Variants in L1TD1 observed in about 807,000 individuals in gnomAD.
L1TD1 encodes the protein LINE1 type transposase domain containing 1, also known as LINE-1 type transposase domain-containing protein 1.
Under a neutral mutation model 25.7 loss-of-function variants are expected in L1TD1, and 26 were observed. The ratio of observed to expected loss-of-function variants is 1.01; its 90% CI spans 0.74 to 1.40. The LOEUF is 1.40. Ranked by LOEUF, L1TD1 falls within the 40% of genes most tolerant of loss-of-function variation. L1TD1 has a pLI of 0.00. For missense variants in L1TD1, 1,130 were observed against 975.0 expected, an observed-to-expected ratio of 1.16 and a Z score of -2.12; for synonymous variants, 421 against 335.6, an observed-to-expected ratio of 1.25 and a Z score of -2.78.
Position 62,210,758 on chromosome 1 carries a change from A to G in L1TD1, c.1984A>G (p.Arg662Gly). 1.3e-6 allele frequency: 2 copies of G among 1,551,510 alleles called. No individual in the cohort carries two copies. The highest frequency in any genetic ancestry group is 1.7e-6 in the Non-Finnish European group (2 of 1,146,950). ...TAGCAGAATGGACATACTTGAAGAA[A>G]GAATAGACAGTCTAGAAGATCAAAT... ...LSSRMDILEE[R>G]IDSLEDQIEE... The change falls in exon 4 of 4, where the codon AGA (arginine) becomes GGA (glycine). Residue 662 changes from arginine (R) to glycine (G), a missense_variant. Coordinates refer to ENST00000498273, the MANE Select transcript of L1TD1 (RefSeq NM_019079.5).
At chr1:62,203,023 C>T (rs1443401528) in intron 2 of L1TD1, among the ~76,000 whole-genome samples, 1 of 152,022 alleles carries the variant, frequency 6.6e-6, no homozygotes, top group Non-Finnish European at 1.5e-5. Context: ...GGTCTCACTG[C>T]ATTGCTGAGG....
rs1242612493 is a variant in L1TD1, at chr1:62,207,212, C to T, written c.584C>T (p.Thr195Ile). The T allele has an allele frequency of 6.4e-7, 1 of 1,551,250 alleles. No homozygotes were observed. Among genetic ancestry groups the T allele is most frequent in the African/African-American group, 1.4e-5 (1 of 72,880 alleles). Residue 195 changes from threonine (T) to isoleucine (I), a missense_variant, in exon 3 of 4, where the codon ACA (threonine) becomes ATA (isoleucine). By Grantham distance (89) the Thr-to-Ile change is moderately conservative. Coordinates refer to ENST00000498273, the MANE Select transcript of L1TD1 (RefSeq NM_019079.5). ...AATCGCAATGTCCATTTAGAATTTA[C>T]AGAAAGAGAGAGTAGGAAGGATGGA... ...DGNRNVHLEF[T>I]ERESRKDGED...
At chr1:62,200,614 AT>A (rs1670623528) in intron 2 of L1TD1, among the ~76,000 whole-genome samples, 1 of 152,006 alleles carries the variant, frequency 6.6e-6, no homozygotes, top group Admixed American at 6.6e-5. Flanking sequence ...GTTTTCTAGT[AT>A]TTTTTGGCCA....
intron 2 of L1TD1, among the ~76,000 whole-genome samples, chr1:62,197,391 A>G (rs1288174762): frequency 7.5e-6 from 1 of 132,522 alleles, no homozygotes; most frequent in East Asian, 2.2e-4. Context: ...TCTCAAAAAA[A>G]ATAAATTATA....
intron 2 of L1TD1, among the ~76,000 whole-genome samples, chr1:62,204,208 A>AT (rs1557442743): frequency 6.6e-6 from 1 of 151,966 alleles, no homozygotes; most frequent in Non-Finnish European, 1.5e-5. Context: ...AATTCTCTAT[A>AT]AGTTTCTGTT....
rs1670884099 is a variant in L1TD1, at chr1:62,211,932, T to G, written c.*560T>G. 6.6e-6 allele frequency: 1 copy of G among 152,522 alleles called. No individual in the cohort carries two copies. The highest frequency in any genetic ancestry group is 2.4e-5 in the African/African-American group (1 of 41,418). 9.4% of individuals were successfully genotyped at this position (152,522 alleles called of 1,614,324 possible). ...GTGAGCCGAGATCACACCACTGCAC[T>G]CCAGCCGGAGCCACAGAGCGACACT... On this transcript the variant is annotated 3_prime_UTR_variant, in exon 4 of 4. Coordinates refer to ENST00000498273, the MANE Select transcript of L1TD1 (RefSeq NM_019079.5).
chr1:62,209,752 CTCTT>C (rs1408689180), intron 3 of L1TD1, 27 bp from the exon 4 acceptor site: 6 of 1,403,912 alleles, frequency 4.3e-6, no homozygotes, highest in Non-Finnish European at 5.8e-6. Flanking sequence ...AAACAAATAA[CTCTT>C]TTTTTTCTTC....
rs557720790 is a variant in L1TD1, at chr1:62,201,414, A to T, written c.-111+4886A>T. Among the ~76,000 whole-genome samples the T allele has an allele frequency of 3.3e-4, 50 of 150,556 alleles. No homozygotes were observed. The Middle Eastern group carries it at 0.01, about 31-fold the overall frequency. ...GGTTTTCCTTAAGGATTTTCAGTTTAAAAAAAAATATTAGAAGCATTATCA... is the reference window on the plus strand; with the variant it reads ...GGTTTTCCTTAAGGATTTTCAGTTTTAAAAAAAATATTAGAAGCATTATCA... On this transcript the variant is annotated intron_variant, in intron 2 of 3. Transcript: ENST00000498273.
chr1:62,197,207 GA>G (rs1480431847), intron 2 of L1TD1, among the ~76,000 whole-genome samples: 3 of 151,342 alleles, frequency 2.0e-5, no homozygotes, highest in Non-Finnish European at 4.4e-5. Flanking sequence ...CCAACATGGC[GA>G]AACCCCATCT....
intron 2 of L1TD1, among the ~76,000 whole-genome samples, chr1:62,198,519 CCCCGCCGCCG>C (rs1168766236): frequency 6.6e-6 from 1 of 151,522 alleles, no homozygotes; most frequent in Non-Finnish European, 1.5e-5. Context: ...CACACCGACC[CCCCGCCGCCG>C]CCCCACCCCG....
At chr1:62,201,430 A>G (rs946616671) in intron 2 of L1TD1, among the ~76,000 whole-genome samples, 2 of 151,202 alleles carry the variant, frequency 1.3e-5, no homozygotes, top group Non-Finnish European at 1.5e-5. Flanking sequence ...AAATATTAGA[A>G]GCATTATCAG....
intron 2 of L1TD1, among the ~76,000 whole-genome samples, chr1:62,205,406 TC>T (rs1670720654): frequency 2.2e-5 from 1 of 46,218 alleles, no homozygotes; most frequent in South Asian, 8.2e-4. Context: ...TCTCTCTCTC[TC>T]TCTCTCTCTC....
chr1:62,195,942 CAGG>C (rs1670528310), intron 1 of L1TD1, among the ~76,000 whole-genome samples: 1 of 151,814 alleles, frequency 6.6e-6, no homozygotes, highest in African/African-American at 2.4e-5. Context: ...GAGGCCGAGG[CAGG>C]AGAATCGCTT....
rs1261055805 is a variant in L1TD1, at chr1:62,205,443, A to ATTTTTTT, written c.-110-1073_-110-1067dup. Among the ~76,000 whole-genome samples, 5 of 63,664 alleles carry ATTTTTTT rather than the reference A, an allele frequency of 7.9e-5. No individual in the cohort carries two copies. In the East Asian group the frequency reaches 1.6e-3, roughly 21 times the overall value. The allele number at this position is 63,664 out of a possible 152,430, so 41.8% of individuals were successfully genotyped here. A position where few individuals can be genotyped will look rare whatever the true frequency, so the allele number is the denominator to read the frequency against. On this transcript the variant is annotated intron_variant, in intron 2 of 3. Transcript: ENST00000498273. The stretch of plus-strand genomic sequence containing the variant: ...TATATATATATATATATATATATAT[A>ATTTTTTT]TTTTTTTTTAGACAGTCTTGCTGTG...
chr1:62,211,640 C>A lies in L1TD1; in HGVS notation c.*268C>A. 1 of 332,162 alleles carries A rather than the reference C, an allele frequency of 3.0e-6. No individual in the cohort carries two copies. The highest frequency in any genetic ancestry group is 6.1e-5 in the East Asian group (1 of 16,312). 20.6% of individuals were successfully genotyped at this position (332,162 alleles called of 1,614,324 possible). On this transcript the variant is annotated 3_prime_UTR_variant, in exon 4 of 4. Coordinates refer to ENST00000498273, the MANE Select transcript of L1TD1 (RefSeq NM_019079.5). ...CCTTGTTTTACTTCCCCCCCACCAC[C>A]TCCCTACTGCAGTTGACTAGTCTTT...
At position 62,212,006 on chromosome 1, in the gene L1TD1, C is replaced by CTATA. The variant is rs1374343612; in HGVS notation, c.*635_*638dup. 1 of 111,356 alleles carries CTATA rather than the reference C, an allele frequency of 9.0e-6. No homozygotes were observed. The highest frequency in any genetic ancestry group is 3.3e-5 in the African/African-American group (1 of 30,246). The allele number at this position is 111,356 out of a possible 1,614,324, so 6.9% of individuals were successfully genotyped here. On this transcript the variant is annotated 3_prime_UTR_variant, in exon 4 of 4. Transcript: ENST00000498273. ...TGCTAGCTTGTCTAAGAATAAACTT[C>CTATA]TATACTGTTGGGGGAGGGCTGCACC... is the stretch of plus-strand genomic sequence containing the variant.
At chr1:62,195,746 G>A (rs1302347220) in intron 1 of L1TD1, among the ~76,000 whole-genome samples, 2 of 148,970 alleles carry the variant, frequency 1.3e-5, no homozygotes, top group Non-Finnish European at 3.0e-5. Context: ...GGGCGAAACT[G>A]TCTCAAATAA....
intron 2 of L1TD1, among the ~76,000 whole-genome samples, chr1:62,205,437 A>ATTTTTTTTTTTTTTTTTTTT (rs1169759217): frequency 2.1e-4 from 9 of 42,456 alleles, no homozygotes; most frequent in Non-Finnish European, 3.7e-4. Context: ...ATATATATAT[A>ATTTTTTTTTTTTTTTTTTTT]TATATATTTT....
intron 3 of L1TD1, chr1:62,208,481 C>CTTTTTTTTTTTTT (rs60188410): frequency 3.1e-5 from 4 of 127,014 alleles, no homozygotes; most frequent in African/African-American, 9.4e-5. Context: ...CTGGAAGGGG[C>CTTTTTTTTTTTTT]TTTTTTTTTT....
Sources: gnomAD v4.1 joint callset for allele counts (sites outside exome capture counted in the v4.1 genomes callset) on GRCh38, gnomAD v4.1.1 for gene constraint, MANE v1.5 for transcripts, NCBI Gene and HGNC (gene_info 2026-07-23, HGNC 2026-07-21) for gene names.